Variants in MICOS10 observed in about 807,000 individuals in gnomAD.
MICOS10 encodes mitochondrial contact site and cristae organizing system subunit 10.
A neutral mutation model predicts 13.4 loss-of-function variants in MICOS10; 5 were observed. The ratio of observed to expected loss-of-function variants is 0.37; its 90% CI spans 0.20 to 0.78. The LOEUF (loss-of-function observed/expected upper bound fraction) is 0.78, where lower values mean the gene tolerates loss of function less well. Ranked by LOEUF, MICOS10 falls within the 30% of genes least tolerant of loss-of-function variation. The pLI is 0.47. For synonymous variants in MICOS10, 35 were observed against 33.6 expected, an observed-to-expected ratio of 1.04 and a Z score of -0.15; for missense variants, 101 against 94.6, an observed-to-expected ratio of 1.07 and a Z score of -0.28.
At chr1:19,622,045 A>T (rs2094905523) in intron 1 of MICOS10, 55 bp from the exon 2 acceptor site, 1 of 1,316,048 alleles carries the variant, frequency 7.6e-7, no homozygotes. Context: ...TGTTAATGTT[A>T]TCTTTGTGAA....
Position 19,626,555 on chromosome 1 carries a change from T to C in MICOS10, c.*154T>C. ...ACCTGGTTATGCATTTGAAACCAAG[T>C]CTGTTTCTTGTTTTGTATTTTCTCT... is the stretch of plus-strand genomic sequence containing the variant. On this transcript the variant is annotated 3_prime_UTR_variant, in exon 4 of 4. Transcript: ENST00000322753. The C allele has an allele frequency of 1.3e-6, 1 of 775,924 alleles. No homozygotes were observed. The highest frequency in any genetic ancestry group is 2.1e-6 in the Non-Finnish European group (1 of 474,216). 48.1% of individuals were successfully genotyped at this position (775,924 alleles called of 1,614,324 possible).
chr1:19,623,417 G>C, intron 2 of MICOS10, 57 bp from the exon 3 acceptor site: 1 of 1,021,356 alleles, frequency 9.8e-7, no homozygotes, highest in Non-Finnish European at 1.5e-6. Context: ...AGAGGATGGG[G>C]AGCTTTATCT....
At chr1:19,625,302 T>G in intron 3 of MICOS10, 1 of 1,195,814 alleles carries the variant, frequency 8.4e-7, no homozygotes, top group Non-Finnish European at 1.1e-6. Flanking sequence ...TACAAATGCA[T>G]GTCCTAATTC....
At chr1:19,598,680 A>G (rs1228706627) in intron 1 of MICOS10, among the ~76,000 whole-genome samples, 8 of 151,386 alleles carry the variant, frequency 5.3e-5, no homozygotes, top group Admixed American at 5.3e-4. Context: ...CGAATCATCC[A>G]CTCTCACTCT....
In MICOS10 at chr1:19,627,111, A is replaced by C. The variant is rs2094924625; in HGVS notation, c.*710A>C. On this transcript the variant is annotated 3_prime_UTR_variant, in exon 4 of 4. Coordinates refer to ENST00000322753, the MANE Select transcript of MICOS10 (RefSeq NM_001032363.4). ...CATGGCATACCCACCTGGCCGGAGG[A>C]GCCCGATTGGGGTTAATTTTATCTT... The C allele has an allele frequency of 6.6e-6, 1 of 152,256 alleles. No homozygotes were observed. The allele number at this position is 152,256 out of a possible 1,614,324, so 9.4% of individuals were successfully genotyped here. A position where few individuals can be genotyped will look rare whatever the true frequency, so the allele number is the denominator to read the frequency against.
chr1:19,618,744 T>C (rs1334990346), intron 1 of MICOS10, among the ~76,000 whole-genome samples: 1 of 152,196 alleles, frequency 6.6e-6, no homozygotes, highest in African/African-American at 2.4e-5. Flanking sequence ...AGAAATTGGA[T>C]CCTTTCTTTC....
At chr1:19,620,285 G>A (rs910297711) in intron 1 of MICOS10, among the ~76,000 whole-genome samples, 6 of 152,170 alleles carry the variant, frequency 3.9e-5, no homozygotes, top group African/African-American at 1.4e-4. Flanking sequence ...TGCAGAGTTG[G>A]TGTCCCCCGA....
At chr1:19,625,571 G>A (rs1216206644) in intron 3 of MICOS10, 7 of 1,289,310 alleles carry the variant, frequency 5.4e-6, no homozygotes, top group African/African-American at 1.5e-5. Context: ...CTGGCTCCTC[G>A]CTTTCCTGGC....
At chr1:19,600,023 A>T (rs544529125) in intron 1 of MICOS10, among the ~76,000 whole-genome samples, 20 of 152,304 alleles carry the variant, frequency 1.3e-4, no homozygotes, top group African/African-American at 4.6e-4. Flanking sequence ...ATAGAGAAGC[A>T]TAAGACATTT....
chr1:19,602,340 C>T (rs72656053), intron 1 of MICOS10, among the ~76,000 whole-genome samples: 7,446 of 152,204 alleles, frequency 0.049, 264 homozygotes, highest in Non-Finnish European at 0.077. Context: ...GATTTCTGCC[C>T]GTTCACATGT....
chr1:19,619,630 C>A (rs2094896355), intron 1 of MICOS10, among the ~76,000 whole-genome samples: 1 of 152,098 alleles, frequency 6.6e-6, no homozygotes, highest in Admixed American at 6.6e-5. Context: ...GTTTTCTGTT[C>A]TTTTTACTGT....
chr1:19,608,454 C>T (rs763897504), intron 1 of MICOS10: 20 of 1,280,380 alleles, frequency 1.6e-5, no homozygotes, highest in East Asian at 4.6e-5. Context: ...GGGGCCCAGT[C>T]GGCCCTCAGA....
intron 3 of MICOS10, among the ~76,000 whole-genome samples, chr1:19,624,390 G>T (rs142018622): frequency 1.3e-5 from 2 of 151,992 alleles, no homozygotes; most frequent in South Asian, 4.2e-4. Context: ...GGGTTCAAGC[G>T]ATTCTTCTGC....
rs2094923362 is a variant in MICOS10, at chr1:19,626,724, CCTCT to C, written c.*326_*329del. The C allele has an allele frequency of 3.3e-6, 1 of 304,032 alleles. No individual in the cohort carries two copies. The highest frequency in any genetic ancestry group is 6.4e-6 in the Non-Finnish European group (1 of 156,570). The allele number at this position is 304,032 out of a possible 1,614,324, so 18.8% of individuals were successfully genotyped here. On this transcript the variant is annotated 3_prime_UTR_variant, in exon 4 of 4. Transcript: ENST00000322753. The stretch of plus-strand genomic sequence containing the variant: ...AGCAGCTGTAGCCACCTGCTCACAG[CCTCT>C]CTGAGAACCCCCTGAAACCAGTTGT...
Position 19,597,025 on chromosome 1 carries a change from C to G in MICOS10, c.-21C>G, listed in dbSNP as rs764179196. 5 of 1,575,818 alleles carry G rather than the reference C, an allele frequency of 3.2e-6. No homozygotes were observed. In the South Asian group the frequency reaches 5.7e-5, roughly 18 times the overall value. On this transcript the variant is annotated 5_prime_UTR_variant, in exon 1 of 4. Coordinates refer to ENST00000322753, the MANE Select transcript of MICOS10 (RefSeq NM_001032363.4). ...GCGCGGGGGCCGGCCGAGAGGAAAG[C>G]TGGAGGCGCGGGTGGGGAACATGTC...
intron 3 of MICOS10, chr1:19,625,607 G>A (rs770792193): frequency 7.8e-6 from 10 of 1,289,238 alleles, no homozygotes; most frequent in African/African-American, 3.0e-5. Flanking sequence ...GGGGAGAACC[G>A]AAAGGAGCAG....
At chr1:19,625,317 C>A in intron 3 of MICOS10, 1 of 1,251,052 alleles carries the variant, frequency 8.0e-7, no homozygotes, top group South Asian at 1.3e-5. Context: ...TAATTCTAGT[C>A]AGGAGCTGTG....
chr1:19,618,781 T>A (rs1558345992), intron 1 of MICOS10, among the ~76,000 whole-genome samples: 1 of 152,262 alleles, frequency 6.6e-6, no homozygotes, highest in Non-Finnish European at 1.5e-5. Context: ...AGAAGTTGTC[T>A]GGCACAAGGC....
chr1:19,597,379 C>T (rs1308387487), intron 1 of MICOS10, among the ~76,000 whole-genome samples: 6 of 152,172 alleles, frequency 3.9e-5, no homozygotes, highest in Non-Finnish European at 7.4e-5. Context: ...AGGAGAGTCG[C>T]AGAGCTCTTG....
Sources: allele counts gnomAD v4.1 joint callset (sites outside exome capture counted in the v4.1 genomes callset), GRCh38; gene constraint gnomAD v4.1.1; transcripts MANE v1.5; gene names NCBI Gene and HGNC (gene_info 2026-07-23, HGNC 2026-07-21).